Variants in CEP57L1 observed in about 807,000 individuals in gnomAD.
CEP57L1 encodes the protein centrosomal protein CEP57L1.
A neutral mutation model predicts 61.0 loss-of-function variants in CEP57L1; 37 were observed. The ratio of observed to expected loss-of-function variants is 0.61; its 90% CI spans 0.47 to 0.80. CEP57L1 has a LOEUF of 0.80. CEP57L1 is among the 30% of genes least tolerant of loss of function. CEP57L1 has a pLI of 0.00. For missense variants in CEP57L1, 422 were observed against 524.7 expected (o/e 0.80, Z 1.91); for synonymous variants, 137 against 162.3 (o/e 0.84, Z 1.19).
intron 1 of CEP57L1, among the ~76,000 whole-genome samples, chr6:109,099,226 G>C (rs115419131): frequency 0.017 from 2,573 of 152,256 alleles, 84 homozygotes; most frequent in African/African-American, 0.059. Flanking sequence ...GTTTTGATAG[G>C]AGTTGTTGAT....
intron 1 of CEP57L1, among the ~76,000 whole-genome samples, chr6:109,115,577 A>G (rs1375493785): frequency 6.6e-6 from 1 of 152,114 alleles, no homozygotes; most frequent in African/African-American, 2.4e-5. Context: ...TTAAATAAAT[A>G]ACGTTAAGAA....
chr6:109,146,724 C>T, intron 2 of CEP57L1, 34 bp from the exon 3 acceptor site: 1 of 1,408,298 alleles, frequency 7.1e-7, no homozygotes, highest in Non-Finnish European at 9.6e-7. Flanking sequence ...CAGAAACTTT[C>T]ACTTAAAATA....
intron 4 of CEP57L1, among the ~76,000 whole-genome samples, chr6:109,151,886 A>C (rs1772652845): frequency 6.6e-6 from 1 of 152,118 alleles, no homozygotes; most frequent in Non-Finnish European, 1.5e-5. Context: ...TCCTCTATGC[A>C]GAATGTGTCA....
chr6:109,143,503 T>G (rs1771640637), intron 1 of CEP57L1, among the ~76,000 whole-genome samples: 1 of 152,150 alleles, frequency 6.6e-6, no homozygotes, highest in Non-Finnish European at 1.5e-5. Context: ...CTTTACTGTT[T>G]TCTTTCTTTT....
chr6:109,105,011 T>A (rs1394178423), intron 1 of CEP57L1, among the ~76,000 whole-genome samples: 1 of 152,206 alleles, frequency 6.6e-6, no homozygotes, highest in Non-Finnish European at 1.5e-5. Context: ...ATTCGTGTTT[T>A]CTTGTCTTTT....
intron 1 of CEP57L1, among the ~76,000 whole-genome samples, chr6:109,119,342 A>T (rs879156569): frequency 1.3e-5 from 2 of 152,168 alleles, no homozygotes; most frequent in Admixed American, 1.3e-4. Flanking sequence ...TCAAAAGGCT[A>T]CGTAATGGGA....
intron 1 of CEP57L1, among the ~76,000 whole-genome samples, chr6:109,135,442 A>C (rs1268838534): frequency 2.6e-5 from 4 of 152,212 alleles, no homozygotes; most frequent in Admixed American, 6.5e-5. Context: ...TAAATGTTAG[A>C]CCTAAAACCA....
At chr6:109,153,777 T>A (rs1366274178) in intron 4 of CEP57L1, 56 bp from the exon 5 acceptor site, 1 of 894,286 alleles carries the variant, frequency 1.1e-6, no homozygotes, top group Non-Finnish European at 1.9e-6. Flanking sequence ...TTATTCTTGT[T>A]CCATTGGCAT....
chr6:109,116,152 A>G (rs1170324416), intron 1 of CEP57L1, among the ~76,000 whole-genome samples: 3 of 149,158 alleles, frequency 2.0e-5, no homozygotes, highest in Non-Finnish European at 3.0e-5. Flanking sequence ...ATGTTATGTT[A>G]TGTTATGTTA....
At chr6:109,102,136 T>C (rs1213670043) in intron 1 of CEP57L1, among the ~76,000 whole-genome samples, 1 of 152,232 alleles carries the variant, frequency 6.6e-6, no homozygotes, top group Non-Finnish European at 1.5e-5. Flanking sequence ...GCTGCCTGTG[T>C]ATCATGTTTG....
At position 109,171,537 on chromosome 6, in the gene CEP57L1, G is replaced by A. The variant is rs11970018; in HGVS notation, c.*8567G>A. Among the ~76,000 whole-genome samples the A allele has an allele frequency of 0.12, 18,903 of 151,800 alleles. 1,319 individuals are homozygous for A. The highest frequency in any genetic ancestry group is 0.21 in the Middle Eastern group (63 of 294). On this transcript the variant is annotated 3_prime_UTR_variant, in exon 11 of 11. Transcript: ENST00000517392. The stretch of plus-strand genomic sequence containing the variant: ...TGGGATTACAGGTGTGAGCCACCGC[G>A]CCCTGCCTAGAGTTTGATTCTCTTA...
At chr6:109,148,363 G>A (rs1289610066) in intron 3 of CEP57L1, among the ~76,000 whole-genome samples, 1 of 151,650 alleles carries the variant, frequency 6.6e-6, no homozygotes, top group Non-Finnish European at 1.5e-5. Flanking sequence ...GTGAGAACAT[G>A]CGGTGTTTGG....
intron 1 of CEP57L1, among the ~76,000 whole-genome samples, chr6:109,123,861 G>A (rs1281370150): frequency 3.3e-5 from 5 of 151,952 alleles, no homozygotes; most frequent in Non-Finnish European, 7.4e-5. Flanking sequence ...CTGATGACAG[G>A]AGTTCAAGAT....
At chr6:109,116,178 TGTTATGTTAC>T (rs1358377248) in intron 1 of CEP57L1, among the ~76,000 whole-genome samples, 15 of 142,142 alleles carry the variant, frequency 1.1e-4, no homozygotes, top group African/African-American at 4.0e-4. Flanking sequence ...TGTTATGTTA[TGTTATGTTAC>T]TTTTTTGAGA....
rs143798711 is a variant in CEP57L1, at chr6:109,155,037, A to G, written c.580-193A>G. ...TTCTTCTTGTATGTAATAGAAGGTA[A>G]AGAAGCAAAGAAAGAAGTGGGAAGA... On this transcript the variant is annotated intron_variant, in intron 5 of 10. Transcript: ENST00000517392. Among the ~76,000 whole-genome samples, 849 of 152,172 alleles carry G rather than the reference A, an allele frequency of 5.6e-3. 6 individuals carry two copies. Among genetic ancestry groups the G allele is most frequent in the Middle Eastern group, 0.024 (7 of 294 alleles).
Position 109,165,076 on chromosome 6 carries a change from CAA to C in CEP57L1, c.*2122_*2123del, listed in dbSNP as rs201301791. ...CTGGTGACACAGCAAGACTCTGTCT[CAA>C]AAAAAAAAAAAAAAATTAAAACCAT... is the stretch of plus-strand genomic sequence containing the variant. On this transcript the variant is annotated 3_prime_UTR_variant, in exon 11 of 11. Coordinates refer to ENST00000517392, the MANE Select transcript of CEP57L1 (RefSeq NM_001271852.3). Among the ~76,000 whole-genome samples the C allele has an allele frequency of 0.018, 1,512 of 81,758 alleles. 33 individuals are homozygous for C. The highest frequency in any genetic ancestry group is 0.058 in the African/African-American group (1,418 of 24,446). The allele number at this position is 81,758 out of a possible 152,430, so 53.6% of individuals were successfully genotyped here. A position where few individuals can be genotyped will look rare whatever the true frequency, so the allele number is the denominator to read the frequency against.
chr6:109,160,646 T>C lies in CEP57L1; in HGVS notation c.1091T>C (p.Leu364Pro), dbSNP rs1479415334. ...HSVCDDIECE[L>P]ECLLKKMEIK... The stretch of plus-strand genomic sequence containing the variant: ...GTCTGTGACGACATAGAATGTGAAC[T>C]AGAGTGTTTACTCAAGAAAATGGAA... Residue 364 changes from leucine (L) to proline (P), a missense_variant, in exon 10 of 11, where the codon CTA (leucine) becomes CCA (proline). Coordinates refer to ENST00000517392, the MANE Select transcript of CEP57L1 (RefSeq NM_001271852.3). 6.2e-7 allele frequency: 1 copy of C among 1,609,242 alleles called. No homozygotes were observed. Among genetic ancestry groups the C allele is most frequent in the Non-Finnish European group, 8.5e-7 (1 of 1,178,196 alleles).
chr6:109,126,603 T>G (rs1773581721), intron 1 of CEP57L1, among the ~76,000 whole-genome samples: 1 of 152,146 alleles, frequency 6.6e-6, no homozygotes, highest in Non-Finnish European at 1.5e-5. Context: ...AAACTAAATC[T>G]TGGTAAAGAT....
intron 1 of CEP57L1, among the ~76,000 whole-genome samples, chr6:109,107,464 C>A (rs1385951455): frequency 6.6e-6 from 1 of 152,040 alleles, no homozygotes; most frequent in Non-Finnish European, 1.5e-5. Flanking sequence ...GCCTGAAAAA[C>A]ATGCGTTTCA....
Sources: gnomAD v4.1 joint callset for allele counts (sites outside exome capture counted in the v4.1 genomes callset) on GRCh38, gnomAD v4.1.1 for gene constraint, MANE v1.5 for transcripts, NCBI Gene and HGNC (gene_info 2026-07-23, HGNC 2026-07-21) for gene names.